Variants in ZNF138 observed in about 807,000 individuals in gnomAD.
The protein encoded by ZNF138 is zinc finger protein 138, also known as zinc finger protein 138 (clone pHZ-32).
A neutral mutation model predicts 33.0 loss-of-function variants in ZNF138; 33 were observed. The ratio of observed to expected loss-of-function variants is 1.00; its 90% CI spans 0.76 to 1.34. The LOEUF is 1.34. ZNF138 is among the 40% of genes most tolerant of loss of function. The pLI, the probability that ZNF138 is intolerant of heterozygous loss-of-function variation, is 0.00. For synonymous variants in ZNF138, 139 were observed against 120.4 expected (o/e 1.15, Z -1.01); for missense variants, 360 against 370.8 (o/e 0.97, Z 0.24).
At chr7:64,819,035 A>C (rs1341207100) in intron 3 of ZNF138, among the ~76,000 whole-genome samples, 2 of 152,050 alleles carry the variant, frequency 1.3e-5, no homozygotes, top group Non-Finnish European at 2.9e-5. Context: ...ATATTAGTTT[A>C]TTGTAATTTT....
At chr7:64,821,423 T>G (rs542521922) in intron 3 of ZNF138, among the ~76,000 whole-genome samples, 47 of 151,656 alleles carry the variant, frequency 3.1e-4, no homozygotes, top group Non-Finnish European at 5.9e-4. Flanking sequence ...TATTATGCAT[T>G]TCTCTACAAA....
At chr7:64,853,312 C>G in the ZNF138 span, 2 of 1,609,982 alleles carry the variant, frequency 1.2e-6, no homozygotes, top group Admixed American at 3.3e-5. Context: ...AAGCTTTTGT[C>G]CAATTCGTAA....
At position 64,832,716 on chromosome 7, in the gene ZNF138, G is replaced by A; in HGVS notation, c.*514G>A. ...CTTTAAGAAGTCCTCAACTCTTACT[G>A]CACATAAGATCATTCATACTGGAGA... On this transcript the variant is annotated 3_prime_UTR_variant, in exon 4 of 4. Transcript: ENST00000307355. 1 of 437,266 alleles carries A rather than the reference G, an allele frequency of 2.3e-6. No homozygotes were observed. Among genetic ancestry groups the A allele is most frequent in the South Asian group, 1.8e-5 (1 of 54,914 alleles). 27.1% of individuals were successfully genotyped at this position (437,266 alleles called of 1,614,324 possible). A position where few individuals can be genotyped will look rare whatever the true frequency, so the allele number is the denominator to read the frequency against.
At chr7:64,823,001 C>T (rs985125443) in intron 3 of ZNF138, among the ~76,000 whole-genome samples, 2 of 152,132 alleles carry the variant, frequency 1.3e-5, no homozygotes. Context: ...CTGCCTCAGC[C>T]TCCTGAGTAG....
intron 1 of ZNF138, among the ~76,000 whole-genome samples, chr7:64,801,808 C>T (rs1313998811): frequency 6.6e-6 from 1 of 152,158 alleles, no homozygotes; most frequent in Non-Finnish European, 1.5e-5. Context: ...TCTCTAAGAA[C>T]TTGCCTTATT....
the ZNF138 span, chr7:64,852,936 G>A: frequency 1.6e-6 from 2 of 1,212,164 alleles, no homozygotes; most frequent in Non-Finnish European, 2.4e-6. Flanking sequence ...ATAATCAGAG[G>A]CATCACTTTA....
chr7:64,815,699 G>A (rs1486665443), intron 3 of ZNF138, 46 bp downstream of exon 3: 11 of 1,555,980 alleles, frequency 7.1e-6, no homozygotes, highest in East Asian at 2.3e-5. Context: ...GAGGTCAAAG[G>A]CCAAGGAGAA....
downstream of ZNF138, among the ~76,000 whole-genome samples, chr7:64,834,435 AATT>A (rs1790304895): frequency 6.6e-6 from 1 of 152,230 alleles, no homozygotes; most frequent in African/African-American, 2.4e-5. Context: ...TGGGTAGATA[AATT>A]ATTTGTACAT....
chr7:64,818,983 T>G (rs929469712), intron 3 of ZNF138, among the ~76,000 whole-genome samples: 1 of 152,232 alleles, frequency 6.6e-6, no homozygotes, highest in East Asian at 1.9e-4. Context: ...ATTATTGTTT[T>G]GTAGTTCTGT....
At chr7:64,833,802 G>C (rs1380355285), downstream of ZNF138, 2 of 152,152 alleles carry the variant, frequency 1.3e-5, no homozygotes, top group Non-Finnish European at 2.9e-5. Flanking sequence ...TTGGTTTACC[G>C]TAACCTCTGC....
intron 1 of ZNF138, among the ~76,000 whole-genome samples, chr7:64,810,307 C>T (rs1443721899): frequency 1.6e-4 from 24 of 147,928 alleles, no homozygotes; most frequent in Admixed American, 1.0e-3. Context: ...ACCAGTCAGG[C>T]GTGGTGGCGC....
intron 3 of ZNF138, among the ~76,000 whole-genome samples, chr7:64,827,564 TCCTCA>T (rs1789742333): frequency 6.6e-6 from 1 of 152,166 alleles, no homozygotes; most frequent in African/African-American, 2.4e-5. Context: ...GTAATAAACA[TCCTCA>T]CCTTTTATCT....
chr7:64,814,370 A>G (rs1044704636), intron 1 of ZNF138, among the ~76,000 whole-genome samples: 8 of 152,192 alleles, frequency 5.3e-5, no homozygotes, highest in African/African-American at 1.9e-4. Context: ...TTAATTTTAT[A>G]CTTTATCATC....
the ZNF138 span, among the ~76,000 whole-genome samples, chr7:64,843,937 C>A: frequency 6.6e-6 from 1 of 152,130 alleles, no homozygotes; most frequent in Non-Finnish European, 1.5e-5. Flanking sequence ...AGATCTCCTG[C>A]CTCAGCCTCC....
At chr7:64,817,891 G>C (rs971939412) in intron 3 of ZNF138, among the ~76,000 whole-genome samples, 1 of 151,802 alleles carries the variant, frequency 6.6e-6, no homozygotes, top group Non-Finnish European at 1.5e-5. Context: ...TACTAAAATA[G>C]TTACTTATAC....
downstream of ZNF138, among the ~76,000 whole-genome samples, chr7:64,834,290 A>G (rs1368655245): frequency 6.6e-6 from 1 of 152,152 alleles, no homozygotes; most frequent in Non-Finnish European, 1.5e-5. Context: ...TTCCACATGC[A>G]GTAAATATAA....
the ZNF138 span, among the ~76,000 whole-genome samples, chr7:64,859,055 G>A: frequency 6.6e-6 from 1 of 151,976 alleles, no homozygotes. Flanking sequence ...AGCCTCCCAA[G>A]TAGCCTGGAT....
At chr7:64,858,527 C>T in the ZNF138 span, among the ~76,000 whole-genome samples, 1 of 152,072 alleles carries the variant, frequency 6.6e-6, no homozygotes, top group Admixed American at 6.5e-5. Flanking sequence ...TATATTATTC[C>T]TTCAGTTTTG....
At chr7:64,841,158 G>A in the ZNF138 span, among the ~76,000 whole-genome samples, 1 of 151,998 alleles carries the variant, frequency 6.6e-6, no homozygotes, top group African/African-American at 2.4e-5. Flanking sequence ...TATTCATTAC[G>A]TGAGCTGGTC....
Sources: gnomAD v4.1 joint callset for allele counts (sites outside exome capture counted in the v4.1 genomes callset) on GRCh38, gnomAD v4.1.1 for gene constraint, MANE v1.5 for transcripts, NCBI Gene and HGNC (gene_info 2026-07-23, HGNC 2026-07-21) for gene names.